BAG3: variants seen among roughly 807,000 people sequenced by gnomAD.
BAG3 encodes the protein BAG family molecular chaperone regulator 3.
In BAG3, 14 loss-of-function variants were observed where a neutral mutation model predicts 40.5. That is an observed-to-expected ratio of 0.35 (90% CI 0.23 to 0.54). The LOEUF is 0.54. Among genes scored for constraint, BAG3 ranks in the 20% least tolerant of loss-of-function variants. The pLI, the probability that BAG3 is intolerant of heterozygous loss-of-function variation, is 0.91. For synonymous variants in BAG3, 302 were observed against 307.8 expected, an observed-to-expected ratio of 0.98 and a Z score of 0.20; for missense variants, 788 against 758.6, an observed-to-expected ratio of 1.04 and a Z score of -0.46.
intron 1 of BAG3, among the ~76,000 whole-genome samples, chr10:119,665,143 T>TTTTTTTTTTC (rs1564771840): frequency 3.5e-4 from 40 of 113,746 alleles, no homozygotes; most frequent in Admixed American, 4.4e-4. Context: ...TATATATATA[T>TTTTTTTTTTC]ATTTTTTTTT....
At chr10:119,652,365 A>G (rs1435722559) in intron 1 of BAG3, among the ~76,000 whole-genome samples, 2 of 152,336 alleles carry the variant, frequency 1.3e-5, no homozygotes, top group South Asian at 2.1e-4. Context: ...AAGTTCTCCA[A>G]CTTGGTTGAG....
chr10:119,652,522 A>G (rs1324123585), intron 1 of BAG3, among the ~76,000 whole-genome samples: 1 of 152,228 alleles, frequency 6.6e-6, no homozygotes, highest in Admixed American at 6.5e-5. Context: ...GTATCCTAGT[A>G]TGATTTGTAA....
chr10:119,656,403 C>T (rs537803810), intron 1 of BAG3, among the ~76,000 whole-genome samples: 85 of 129,470 alleles, frequency 6.6e-4, no homozygotes, highest in East Asian at 1.7e-3. Context: ...TTTTTTGAGA[C>T]GGAGTCGCAC....
At chr10:119,674,501 T>A (rs1196229117) in intron 3 of BAG3, among the ~76,000 whole-genome samples, 3 of 152,248 alleles carry the variant, frequency 2.0e-5, no homozygotes, top group African/African-American at 7.2e-5. Flanking sequence ...GATTCAAAGT[T>A]CCCTTTTGGG....
At chr10:119,660,127 G>GGA (rs1846972618) in intron 1 of BAG3, among the ~76,000 whole-genome samples, 1 of 152,226 alleles carries the variant, frequency 6.6e-6, no homozygotes, top group African/African-American at 2.4e-5. Context: ...TGCCTGGCCT[G>GGA]GAGACGGCTG....
chr10:119,673,717 A>C (rs908209921), intron 3 of BAG3, among the ~76,000 whole-genome samples: 1 of 152,232 alleles, frequency 6.6e-6, no homozygotes, highest in Admixed American at 6.5e-5. Context: ...TTTATTTGGA[A>C]ATAATTTCAA....
At chr10:119,667,850 A>G (rs987078546) in intron 1 of BAG3, among the ~76,000 whole-genome samples, 22 of 152,338 alleles carry the variant, frequency 1.4e-4, no homozygotes, top group South Asian at 6.2e-4. Flanking sequence ...GCCAGCAAAA[A>G]TGACACTGCA....
At chr10:119,666,547 TGTGCTCAGCGAGATGCACGAG>T (rs1186023347) in intron 1 of BAG3, among the ~76,000 whole-genome samples, 24 of 150,864 alleles carry the variant, frequency 1.6e-4, no homozygotes, top group East Asian at 1.2e-3. Flanking sequence ...AGGCACAAAA[TGTGCTCAGCGAGATGCACGAG>T]GTGCTCAGCG....
At position 119,675,646 on chromosome 10, in the gene BAG3, C is replaced by T. The variant is rs187792143; in HGVS notation, c.910-818C>T. 5.3e-5 allele frequency among the ~76,000 whole-genome samples: 8 copies of T among 152,188 alleles called. 1 individual carries two copies. The stretch of plus-strand genomic sequence containing the variant: ...CAGTGTAAGGAAGAAGGACCAGAGG[C>T]AGCGACTCCAAGGCTGCAACACCTG... On this transcript the variant is annotated intron_variant, in intron 3 of 3. Coordinates refer to ENST00000369085, the MANE Select transcript of BAG3 (RefSeq NM_004281.4).
rs139438727 is a variant in BAG3 at position 119,670,135 on chromosome 10, A to AGCG, written c.474_476dup (p.Ala160dup). On this transcript the variant is annotated inframe_insertion, in exon 2 of 4. Transcript: ENST00000369085. ...CAGATAAACAGTGTGGACAGGTGGC[A>AGCG]GCGGCGGCGGCAGCCCAGCCCCCAG... 2,186 of 1,612,550 alleles carry AGCG rather than the reference A, an allele frequency of 1.4e-3. 24 individuals are homozygous for AGCG. The African/African-American group carries it at 0.027, about 20-fold the overall frequency.
At position 119,672,149 on chromosome 10, in the gene BAG3, A is replaced by G; in HGVS notation, c.508-106A>G. ...TTGAAAATTACAGATAGGAGGTCTT[A>G]CAATATGGATTGCCCTGAGGAGGTG... On this transcript the variant is annotated intron_variant, in intron 2 of 3. Transcript: ENST00000369085. The surrounding 1 kb of genome is among the most constrained non-coding windows in gnomAD (Gnocchi z 4.8). 4 of 1,448,542 alleles carry G rather than the reference A, an allele frequency of 2.8e-6. No individual in the cohort carries two copies. The South Asian group carries it at 4.6e-5, about 17-fold the overall frequency. 89.7% of individuals were successfully genotyped at this position (1,448,542 alleles called of 1,614,324 possible). A position where few individuals can be genotyped will look rare whatever the true frequency, so the allele number is the denominator to read the frequency against.
In BAG3 at chr10:119,677,045, A is replaced by G. The variant is rs2134069390; in HGVS notation, c.1491A>G (p.Lys497=). 2.5e-6 allele frequency: 4 copies of G among 1,614,212 alleles called. No homozygotes were observed. Among genetic ancestry groups the G allele is most frequent in the Non-Finnish European group, 2.5e-6 (3 of 1,180,050 alleles). Residue 497 remains lysine, a synonymous_variant, in exon 4 of 4, where the codon AAA becomes AAG. Transcript: ENST00000369085. ...CCATCTTGGAAAAACTTGAACAGAA[A>G]GCCATTGATGTCCCAGGTCAAGTCC... ...VQTILEKLEQ[K]AIDVPGQVQV... is the part of the protein sequence containing the mutation.
chr10:119,671,189 TC>T (rs1309423225), intron 2 of BAG3, among the ~76,000 whole-genome samples: 2 of 152,044 alleles, frequency 1.3e-5, no homozygotes, highest in Non-Finnish European at 2.9e-5. Context: ...ATTCCTGTAA[TC>T]CCAGCTACTC....
intron 1 of BAG3, among the ~76,000 whole-genome samples, chr10:119,653,803 G>T (rs1846874655): frequency 6.6e-6 from 1 of 152,202 alleles, no homozygotes; most frequent in Non-Finnish European, 1.5e-5. Context: ...GAGAACTAGT[G>T]TCAGGAAAGT....
intron 1 of BAG3, among the ~76,000 whole-genome samples, chr10:119,659,202 C>CCATGCG (rs1846958474): frequency 6.6e-6 from 1 of 152,222 alleles, no homozygotes; most frequent in Non-Finnish European, 1.5e-5. Context: ...AGACCCTGCG[C>CCATGCG]CATGCGTCCA....
rs1468493080 is a variant in BAG3, at chr10:119,676,525, A to T, written c.971A>T (p.Lys324Met). The change falls in exon 4 of 4, where the codon AAG becomes ATG. Residue 324 changes from lysine (K) to methionine (M), a missense_variant. Physicochemically the swap from Lys to Met is moderately conservative, Grantham distance 95 (BLOSUM62 -1). Transcript: ENST00000369085. Reference protein sequence around the residue: ...VSQPENKPESKPGPVGPELPP... With the variant: ...VSQPENKPESMPGPVGPELPP... The stretch of plus-strand genomic sequence containing the variant: ...CAGCCTGAAAACAAACCAGAAAGTA[A>T]GCCAGGCCCAGTTGGACCAGAACTC... 1 of 1,613,984 alleles carries T rather than the reference A, an allele frequency of 6.2e-7. No individual in the cohort carries two copies. The highest frequency in any genetic ancestry group is 8.5e-7 in the Non-Finnish European group (1 of 1,180,034).
chr10:119,662,140 T>C (rs898421615), intron 1 of BAG3, among the ~76,000 whole-genome samples: 12 of 151,412 alleles, frequency 7.9e-5, no homozygotes, highest in African/African-American at 2.9e-4. Context: ...CTCTGCCTCC[T>C]GGGTTCAAGC....
At chr10:119,656,100 A>G (rs1448059364) in intron 1 of BAG3, among the ~76,000 whole-genome samples, 2 of 152,224 alleles carry the variant, frequency 1.3e-5, no homozygotes, top group African/African-American at 4.8e-5. Flanking sequence ...TATCATCCAA[A>G]GTAGAAAACC....
At chr10:119,654,689 C>A (rs1477275326) in intron 1 of BAG3, among the ~76,000 whole-genome samples, 1 of 152,232 alleles carries the variant, frequency 6.6e-6, no homozygotes, top group African/African-American at 2.4e-5. Context: ...CTTGGGCTTC[C>A]CACTAATTTG....
Sources: gnomAD v4.1 joint callset for allele counts (sites outside exome capture counted in the v4.1 genomes callset) on GRCh38, gnomAD v4.1.1 for gene constraint, Gnocchi (gnomAD v3.1) non-coding constraint, MANE v1.5 for transcripts, NCBI Gene and HGNC (gene_info 2026-07-23, HGNC 2026-07-21) for gene names.